The following ANKRD12 variants were observed in gnomAD, a reference collection of about 807,000 sequenced individuals.
ANKRD12 encodes the protein ankyrin repeat domain-containing protein 12.
ANKRD12 carries 85 observed loss-of-function variants against 183.4 expected under a neutral mutation model. The ratio of observed to expected loss-of-function variants is 0.46; its 90% CI spans 0.39 to 0.56. ANKRD12 has a LOEUF of 0.56. Among genes scored for constraint, ANKRD12 ranks in the 20% least tolerant of loss-of-function variants. ANKRD12 has a pLI of 0.00. For missense variants in ANKRD12, 2,405 were observed against 2,357.1 expected (o/e 1.02, Z -0.42); for synonymous variants, 914 against 800.2 (o/e 1.14, Z -2.40).
intron 1 of ANKRD12, among the ~76,000 whole-genome samples, chr18:9,159,359 T>C (rs2031069584): frequency 1.3e-5 from 2 of 152,228 alleles, no homozygotes; most frequent in South Asian, 4.1e-4. Context: ...ACCTTCTGAC[T>C]TGTCTGTCTG....
Position 9,150,630 on chromosome 18 carries a change from A to AT in ANKRD12, c.-52+13673dup, listed in dbSNP as rs796820001. 4.0e-5 allele frequency among the ~76,000 whole-genome samples: 6 copies of AT among 151,730 alleles called. No homozygotes were observed. In the East Asian group the frequency reaches 5.8e-4, roughly 15 times the overall value. On this transcript the variant is annotated intron_variant, in intron 1 of 12. Transcript: ENST00000262126. ...GGTGGTTAAATTTTGTGATTTTGTG[A>AT]TTTTTTTTAAAATTTATTTTTATTT...
chr18:9,257,283 C>T lies in ANKRD12; in HGVS notation c.4016C>T (p.Pro1339Leu). Residue 1339 changes from proline (P) to leucine (L), a missense_variant, in exon 9 of 13, where the codon CCA (proline) becomes CTA (leucine). Pro to Leu is a moderately conservative substitution (Grantham distance 98, BLOSUM62 -3). This residue lies in a region of ANKRD12 where 1,983 missense variants were observed against 1,725.9 expected (regional missense o/e 1.15). Coordinates refer to ENST00000262126, the MANE Select transcript of ANKRD12 (RefSeq NM_015208.5). The stretch of plus-strand genomic sequence containing the variant: ...AATCAAGGTAGCTTATTAACTGTGC[C>T]AGGAGATACTAGTCCTTCTCCCAAA... ...ESNQGSLLTVPGDTSPSPKPE... is the reference protein window; with the variant it reads ...ESNQGSLLTVLGDTSPSPKPE... 2 of 1,614,096 alleles carry T rather than the reference C, an allele frequency of 1.2e-6. No homozygotes were observed. Among genetic ancestry groups the T allele is most frequent in the East Asian group, 2.2e-5 (1 of 44,884 alleles).
chr18:9,275,558 T>C lies in ANKRD12; in HGVS notation c.5798T>C (p.Leu1933Ser). ...KLIVSNEQEV[L>S]RVHYRAARTL... ...ATTGTATCCAACGAACAAGAAGTTT[T>C]GCGAGTTCATTACAGAGCTGCAAGA... The change falls in exon 11 of 13, where the codon TTG (leucine) becomes TCG (serine). Residue 1933 changes from leucine to serine, a missense_variant. By Grantham distance (145) the Leu-to-Ser change is moderately radical. Coordinates refer to ENST00000262126, the MANE Select transcript of ANKRD12 (RefSeq NM_015208.5). The C allele has an allele frequency of 6.2e-7, 1 of 1,611,506 alleles. No individual in the cohort carries two copies. The highest frequency in any genetic ancestry group is 8.5e-7 in the Non-Finnish European group (1 of 1,178,070).
At chr18:9,246,782 A>G (rs1374844663) in intron 8 of ANKRD12, among the ~76,000 whole-genome samples, 1 of 152,244 alleles carries the variant, frequency 6.6e-6, no homozygotes, top group Admixed American at 6.5e-5. Flanking sequence ...TATCACATGC[A>G]TGGTATATGT....
At chr18:9,230,737 C>T (rs1034084815) in intron 8 of ANKRD12, among the ~76,000 whole-genome samples, 1 of 151,796 alleles carries the variant, frequency 6.6e-6, no homozygotes, top group Non-Finnish European at 1.5e-5. Flanking sequence ...CGGCTTATTG[C>T]AACCTTTGCC....
intron 2 of ANKRD12, among the ~76,000 whole-genome samples, chr18:9,188,844 C>T (rs574418259): frequency 1.3e-5 from 2 of 152,318 alleles, no homozygotes; most frequent in African/African-American, 4.8e-5. Flanking sequence ...TCTACTGCTC[C>T]ACTTACTGGC....
At chr18:9,212,219 A>G (rs2035844121) in intron 6 of ANKRD12, among the ~76,000 whole-genome samples, 1 of 152,026 alleles carries the variant, frequency 6.6e-6, no homozygotes, top group Non-Finnish European at 1.5e-5. Flanking sequence ...AAATAATTCA[A>G]CAGTAAAAGT....
At chr18:9,140,475 A>T (rs1310089694) in intron 1 of ANKRD12, among the ~76,000 whole-genome samples, 1 of 152,214 alleles carries the variant, frequency 6.6e-6, no homozygotes, top group Non-Finnish European at 1.5e-5. Context: ...AAGTTTCTTT[A>T]GCCTTTGAAA....
At chr18:9,217,246 C>G (rs1316467668) in intron 7 of ANKRD12, among the ~76,000 whole-genome samples, 3 of 152,126 alleles carry the variant, frequency 2.0e-5, no homozygotes, top group African/African-American at 7.2e-5. Flanking sequence ...GGGCATTTTA[C>G]TTTAGTTGAG....
intron 8 of ANKRD12, among the ~76,000 whole-genome samples, chr18:9,242,456 A>G: frequency 9.6e-6 from 1 of 103,634 alleles, no homozygotes; most frequent in East Asian, 3.3e-4. Flanking sequence ...AATATTATAT[A>G]TGCATACAAA....
intron 3 of ANKRD12, among the ~76,000 whole-genome samples, chr18:9,196,355 T>C (rs1200306981): frequency 6.6e-6 from 1 of 152,216 alleles, no homozygotes; most frequent in Non-Finnish European, 1.5e-5. Context: ...TGCTATCTAA[T>C]AAATTACTAG....
intron 8 of ANKRD12, among the ~76,000 whole-genome samples, chr18:9,252,684 G>T (rs1344503170): frequency 3.3e-5 from 5 of 152,200 alleles, no homozygotes; most frequent in African/African-American, 9.6e-5. Context: ...AGGGCTGGGT[G>T]CTGGGTACAG....
intron 5 of ANKRD12, 50 bp downstream of exon 5, chr18:9,208,853 C>T: frequency 7.0e-7 from 1 of 1,426,688 alleles, no homozygotes; most frequent in Non-Finnish European, 9.3e-7. Context: ...TTTCCTCAGG[C>T]AACTGTAGTC....
At chr18:9,192,150 A>G (rs1376528955) in intron 2 of ANKRD12, among the ~76,000 whole-genome samples, 26 of 152,204 alleles carry the variant, frequency 1.7e-4, no homozygotes, top group Admixed American at 1.7e-3. Flanking sequence ...TGGTCTCACC[A>G]TATAATAAAA....
chr18:9,235,654 T>C (rs2144924467), intron 8 of ANKRD12: 1 of 456,270 alleles, frequency 2.2e-6, no homozygotes, highest in East Asian at 6.9e-5. Flanking sequence ...GCTACCAATT[T>C]GCAGGAAATG....
At chr18:9,181,784 T>A (rs1382512595) in intron 1 of ANKRD12, among the ~76,000 whole-genome samples, 2 of 152,196 alleles carry the variant, frequency 1.3e-5, no homozygotes, top group Non-Finnish European at 2.9e-5. Context: ...TTTGACCTAT[T>A]ATGCTTGTAG....
rs183945429 is a variant in ANKRD12, at chr18:9,200,296, G to C, written c.236-4180G>C. 3.9e-4 allele frequency among the ~76,000 whole-genome samples: 60 copies of C among 152,178 alleles called. 1 individual carries two copies. The highest frequency in any genetic ancestry group is 6.8e-3 in the Middle Eastern group (2 of 294). On this transcript the variant is annotated intron_variant, in intron 3 of 12. Transcript: ENST00000262126. ...TCTATCGTAGTACTATATTTATTCT[G>C]AATTAATTTATTTAAACAAATCACC...
chr18:9,193,654 G>A (rs1360550908), intron 2 of ANKRD12, among the ~76,000 whole-genome samples: 3 of 152,020 alleles, frequency 2.0e-5, no homozygotes, highest in Non-Finnish European at 2.9e-5. Context: ...AATTTGTTAT[G>A]CCCCTTTTTC....
At chr18:9,233,761 G>A (rs2037185372) in intron 8 of ANKRD12, among the ~76,000 whole-genome samples, 1 of 152,184 alleles carries the variant, frequency 6.6e-6, no homozygotes, top group Non-Finnish European at 1.5e-5. Context: ...GTTTTGCTAG[G>A]GACAGACATG....
Sources: gnomAD v4.1 joint callset for allele counts (sites outside exome capture counted in the v4.1 genomes callset) on GRCh38, gnomAD v4.1.1 for gene constraint, gnomAD v4.1.1 regional missense constraint, MANE v1.5 for transcripts, NCBI Gene and HGNC (gene_info 2026-07-23, HGNC 2026-07-21) for gene names.